Variants in VPS13B observed in about 807,000 individuals in gnomAD.
VPS13B encodes the protein intermembrane lipid transfer protein VPS13B.
In VPS13B, 285 loss-of-function variants were observed where a neutral mutation model predicts 426.4. The ratio of observed to expected loss-of-function variants is 0.67; its 90% CI spans 0.61 to 0.74. The LOEUF (loss-of-function observed/expected upper bound fraction) is 0.74. Ranked by LOEUF, VPS13B falls within the 30% of genes least tolerant of loss-of-function variation. The probability of loss-of-function intolerance (pLI) is 0.00; values close to 1 mark genes in which losing one functional copy is unlikely to be tolerated. For synonymous variants in VPS13B, 1,676 were observed against 1,676.4 expected (o/e 1.00, Z 0.01); for missense variants, 4,537 against 4,782.6 (o/e 0.95, Z 1.51).
At position 99,778,866 on chromosome 8, in the gene VPS13B, T is replaced by C; in HGVS notation, c.7614T>C (p.Thr2538=). 6.2e-7 allele frequency: 1 copy of C among 1,614,044 alleles called. No homozygotes were observed. The highest frequency in any genetic ancestry group is 1.3e-5 in the African/African-American group (1 of 75,042). ...AACTTCTAGAGTGCAGAAATGTCAC[T>C]ATGCAAAGTGTGGTGAAACCCTTCA... The part of the protein sequence containing the change: ...DCKLLECRNV[T]MQSVVKPFSI... Residue 2538 remains threonine (T), a synonymous_variant, in exon 42 of 62, where the codon ACT becomes ACC. Coordinates refer to ENST00000357162, the MANE Select transcript of VPS13B (RefSeq NM_152564.5).
intron 37 of VPS13B, 69 bp from the exon 38 acceptor site, chr8:99,720,276 A>T: frequency 8.1e-7 from 1 of 1,234,984 alleles, no homozygotes; most frequent in South Asian, 1.3e-5. Flanking sequence ...TTCAAATATG[A>T]TTATACCTAA....
At chr8:99,533,303 T>A (rs966038771) in intron 30 of VPS13B, among the ~76,000 whole-genome samples, 1 of 152,184 alleles carries the variant, frequency 6.6e-6, no homozygotes, top group African/African-American at 2.4e-5. Flanking sequence ...AGGTTTTAAA[T>A]AAATTGACCT....
rs149221243 is a variant in VPS13B at position 99,712,249 on chromosome 8, C to G, written c.6455-4922C>G. Among the ~76,000 whole-genome samples, 218 of 152,320 alleles carry G rather than the reference C, an allele frequency of 1.4e-3. 1 individual carries two copies. The highest frequency in any genetic ancestry group is 3.4e-3 in the Middle Eastern group (1 of 294). On this transcript the variant is annotated intron_variant, in intron 36 of 61. Coordinates refer to ENST00000357162, the MANE Select transcript of VPS13B (RefSeq NM_152564.5). Reference sequence around the variant, plus strand: ...TGTCAGATTTCTTCCCTCTGCGTTACGCAGCTTCAGCCCTTAGGCTCCACA... The same window carrying G: ...TGTCAGATTTCTTCCCTCTGCGTTAGGCAGCTTCAGCCCTTAGGCTCCACA...
intron 44 of VPS13B, among the ~76,000 whole-genome samples, chr8:99,813,954 C>A (rs1301164839): frequency 6.6e-6 from 1 of 152,078 alleles, no homozygotes; most frequent in African/African-American, 2.4e-5. Flanking sequence ...GTCAACATAG[C>A]AAGACCCTAT....
intron 30 of VPS13B, among the ~76,000 whole-genome samples, chr8:99,541,202 CAG>C (rs767131034): frequency 1.4e-4 from 22 of 152,120 alleles, no homozygotes; most frequent in Non-Finnish European, 3.2e-4. Context: ...AATTTATAAA[CAG>C]AATAGACAAT....
At chr8:99,778,190 C>G (rs1009042335) in intron 41 of VPS13B, among the ~76,000 whole-genome samples, 1 of 150,820 alleles carries the variant, frequency 6.6e-6, no homozygotes, top group African/African-American at 2.4e-5. Context: ...CAAGATCACA[C>G]CACTGCACTC....
intron 39 of VPS13B, among the ~76,000 whole-genome samples, chr8:99,732,607 T>C (rs1408705260): frequency 6.6e-6 from 1 of 152,244 alleles, no homozygotes; most frequent in African/African-American, 2.4e-5. Flanking sequence ...ACCAAGGAAC[T>C]GTCCACAGTC....
chr8:99,792,244 T>C (rs973217180), intron 43 of VPS13B, among the ~76,000 whole-genome samples: 3 of 151,946 alleles, frequency 2.0e-5, no homozygotes, highest in Non-Finnish European at 4.4e-5. Flanking sequence ...ATGTCCATAA[T>C]ATAACCCAAA....
chr8:99,859,927 C>G (rs181631597), intron 57 of VPS13B, among the ~76,000 whole-genome samples: 1 of 152,308 alleles, frequency 6.6e-6, no homozygotes, highest in Admixed American at 6.5e-5. Flanking sequence ...AAACAGCCAA[C>G]TTTTCTCTAG....
intron 33 of VPS13B, among the ~76,000 whole-genome samples, chr8:99,621,644 T>C (rs946447467): frequency 6.6e-6 from 1 of 152,270 alleles, no homozygotes; most frequent in East Asian, 1.9e-4. Flanking sequence ...ATCTGACTTA[T>C]GTAAGATAAG....
intron 19 of VPS13B, among the ~76,000 whole-genome samples, chr8:99,372,237 G>A (rs1301858475): frequency 1.1e-4 from 15 of 142,266 alleles, no homozygotes; most frequent in African/African-American, 2.6e-4. Context: ...GGGCGACAGC[G>A]AGACTCCGTC....
chr8:99,370,809 CATTTTGGCCAGGCTGG>C (rs1813137242), intron 19 of VPS13B, among the ~76,000 whole-genome samples: 1 of 151,900 alleles, frequency 6.6e-6, no homozygotes. Flanking sequence ...GGTGATTCAC[CATTTTGGCCAGGCTGG>C]TCTCGAACTC....
At chr8:99,299,673 A>T (rs1820254356) in intron 19 of VPS13B, among the ~76,000 whole-genome samples, 2 of 151,312 alleles carry the variant, frequency 1.3e-5, no homozygotes, top group Non-Finnish European at 2.9e-5. Context: ...GCACTTTGGG[A>T]GTCTGAGGCG....
chr8:99,464,194 A>G (rs1818984700), intron 23 of VPS13B, among the ~76,000 whole-genome samples: 1 of 152,152 alleles, frequency 6.6e-6, no homozygotes, highest in South Asian at 2.1e-4. Context: ...AATGTAAGAG[A>G]AAAAACTGGG....
chr8:99,131,983 G>A (rs914474163), intron 8 of VPS13B, among the ~76,000 whole-genome samples: 9 of 152,034 alleles, frequency 5.9e-5, no homozygotes, highest in Non-Finnish European at 2.9e-5. Context: ...TGCAACCTCC[G>A]CCTCCCAGGT....
At chr8:99,055,832 C>A (rs1370130797) in intron 3 of VPS13B, among the ~76,000 whole-genome samples, 1 of 151,520 alleles carries the variant, frequency 6.6e-6, no homozygotes, top group Non-Finnish European at 1.5e-5. Context: ...TGGGCTCAAG[C>A]AATGCTCCCA....
In VPS13B at chr8:99,028,712, T is replaced by G. The variant is rs1262342512; in HGVS notation, c.148-9711T>G. Among the ~76,000 whole-genome samples, 11 of 80,722 alleles carry G rather than the reference T, an allele frequency of 1.4e-4. No individual in the cohort carries two copies. The South Asian group carries it at 1.6e-3, about 11-fold the overall frequency. The allele number at this position is 80,722 out of a possible 152,430, so 53.0% of individuals were successfully genotyped here. A position where few individuals can be genotyped will look rare whatever the true frequency, so the allele number is the denominator to read the frequency against. ...CTCCCGGACGGGGCGGCTGGCCGGG[T>G]GGGGGGCTGACCCCCCCACCTCCCT... On this transcript the variant is annotated intron_variant, in intron 2 of 61. Coordinates refer to ENST00000357162, the MANE Select transcript of VPS13B (RefSeq NM_152564.5).
intron 3 of VPS13B, among the ~76,000 whole-genome samples, chr8:99,065,104 G>A (rs1175523106): frequency 1.3e-5 from 2 of 152,104 alleles, no homozygotes; most frequent in African/African-American, 4.8e-5. Flanking sequence ...AGCTCCTGAA[G>A]GAAGCAATAA....
chr8:99,333,422 A>T (rs1430441105), intron 19 of VPS13B, among the ~76,000 whole-genome samples: 1 of 151,860 alleles, frequency 6.6e-6, no homozygotes, highest in Non-Finnish European at 1.5e-5. Flanking sequence ...TAATGATAAC[A>T]TCTTACAAAA....
Sources: allele counts gnomAD v4.1 joint callset (sites outside exome capture counted in the v4.1 genomes callset), GRCh38; gene constraint gnomAD v4.1.1; transcripts MANE v1.5; gene names NCBI Gene and HGNC (gene_info 2026-07-23, HGNC 2026-07-21).